Variants in KIF26B observed in about 807,000 individuals in gnomAD.
KIF26B encodes kinesin-like protein KIF26B.
In KIF26B, 63 loss-of-function variants were observed where a neutral mutation model predicts 151.2. The observed-to-expected ratio is 0.42, with a 90% CI of 0.34 to 0.51. The LOEUF (loss-of-function observed/expected upper bound fraction) is 0.51, where lower values mean the gene tolerates loss of function less well. KIF26B is among the 20% of genes least tolerant of loss of function. The pLI is 0.07. For missense variants in KIF26B, 2,813 were observed against 2,913.6 expected (o/e 0.97, Z 0.79); for synonymous variants, 1,357 against 1,262.1 (o/e 1.08, Z -1.59).
chr1:245,680,376 G>A (rs377355444), intron 10 of KIF26B, among the ~76,000 whole-genome samples: 1 of 152,106 alleles, frequency 6.6e-6, no homozygotes, highest in Non-Finnish European at 1.5e-5. Flanking sequence ...CTAAAATGCC[G>A]GTTGCTAAGC....
intron 4 of KIF26B, among the ~76,000 whole-genome samples, chr1:245,514,301 C>T (rs1029110415): frequency 6.6e-6 from 1 of 152,026 alleles, no homozygotes; most frequent in South Asian, 2.1e-4. Flanking sequence ...CCGAGGCGGG[C>T]GGATCACTTG....
At chr1:245,300,426 C>G (rs1372893177) in intron 2 of KIF26B, among the ~76,000 whole-genome samples, 1 of 152,214 alleles carries the variant, frequency 6.6e-6, no homozygotes, top group African/African-American at 2.4e-5. Context: ...TTACTTCTAC[C>G]TCTCCTTTTT....
intron 9 of KIF26B, among the ~76,000 whole-genome samples, chr1:245,625,341 A>G (rs1357749673): frequency 1.3e-5 from 2 of 152,072 alleles, no homozygotes; most frequent in African/African-American, 4.8e-5. Context: ...TCTGATTGGG[A>G]TTGCATTGAA....
chr1:245,388,828 C>T (rs1482669737), intron 3 of KIF26B, among the ~76,000 whole-genome samples: 3 of 152,154 alleles, frequency 2.0e-5, no homozygotes, highest in African/African-American at 7.2e-5. Flanking sequence ...AACACTGGAC[C>T]AGCCCAAGGA....
chr1:245,567,952 G>A (rs1343541526), intron 5 of KIF26B, among the ~76,000 whole-genome samples: 1 of 151,972 alleles, frequency 6.6e-6, no homozygotes, highest in Non-Finnish European at 1.5e-5. Flanking sequence ...GGAAGGTGGA[G>A]GCAGGCAGAT....
chr1:245,263,583 G>A (rs979296980), intron 2 of KIF26B, among the ~76,000 whole-genome samples: 6 of 152,184 alleles, frequency 3.9e-5, no homozygotes, highest in African/African-American at 9.7e-5. Flanking sequence ...GAAAGGCAGC[G>A]CCTGCTGTTG....
chr1:245,423,258 T>A (rs1658537876), intron 4 of KIF26B, among the ~76,000 whole-genome samples: 1 of 152,128 alleles, frequency 6.6e-6, no homozygotes, highest in African/African-American at 2.4e-5. Flanking sequence ...TAACTACCTC[T>A]TCATATGCAA....
chr1:245,646,135 A>G lies in KIF26B; in HGVS notation c.2113A>G (p.Ser705Gly), dbSNP rs2043943170. The G allele has an allele frequency of 6.2e-7, 1 of 1,613,854 alleles. No individual in the cohort carries two copies. Among genetic ancestry groups the G allele is most frequent in the African/African-American group, 1.3e-5 (1 of 74,924 alleles). ...SGKGGMSGGR[S>G]RLHLIDLGSC... ...CCCTGTGGTAGTGTCTGGAGGTCGC[A>G]GCCGCCTGCATCTCATTGATCTCGG... The change falls in exon 10 of 15, where the codon AGC becomes GGC. Residue 705 changes from serine (S) to glycine (G), a missense_variant. Ser to Gly is a moderately conservative substitution (Grantham distance 56). This residue lies in a region of KIF26B where 2,060 missense variants were observed against 2,088.6 expected (regional missense o/e 0.99). Coordinates refer to ENST00000407071, the MANE Select transcript of KIF26B (RefSeq NM_018012.4).
chr1:245,346,906 C>G (rs1230519194), intron 2 of KIF26B, among the ~76,000 whole-genome samples: 1 of 152,210 alleles, frequency 6.6e-6, no homozygotes, highest in African/African-American at 2.4e-5. Context: ...TCATGTCTCT[C>G]ATTGTCTAGT....
intron 4 of KIF26B, among the ~76,000 whole-genome samples, chr1:245,493,957 C>CA (rs896039162): frequency 6.6e-6 from 1 of 151,486 alleles, no homozygotes; most frequent in Non-Finnish European, 1.5e-5. Flanking sequence ...AGAGACTAAG[C>CA]AAAAAAACCA....
intron 2 of KIF26B, among the ~76,000 whole-genome samples, chr1:245,356,608 T>A (rs189579616): frequency 2.0e-4 from 31 of 152,168 alleles, no homozygotes; most frequent in Admixed American, 1.7e-3. Flanking sequence ...CTATTCAATG[T>A]GGGAACCTCT....
chr1:245,207,615 T>G (rs1669433200), intron 2 of KIF26B, among the ~76,000 whole-genome samples: 1 of 152,114 alleles, frequency 6.6e-6, no homozygotes, highest in Admixed American at 6.5e-5. Context: ...GGAGAGTTGT[T>G]TACTGGACCC....
At chr1:245,383,484 A>C (rs1280006775) in intron 3 of KIF26B, among the ~76,000 whole-genome samples, 1 of 152,186 alleles carries the variant, frequency 6.6e-6, no homozygotes, top group Non-Finnish European at 1.5e-5. Flanking sequence ...GTTCAAGACA[A>C]CGGTGTCTTG....
intron 2 of KIF26B, among the ~76,000 whole-genome samples, chr1:245,273,383 A>G (rs1303791743): frequency 3.4e-5 from 5 of 148,498 alleles, no homozygotes; most frequent in Non-Finnish European, 7.4e-5. Flanking sequence ...GTGCCATGGC[A>G]CTCCTGCCTG....
In KIF26B at chr1:245,227,490, G is replaced by A. The variant is rs1669899774; in HGVS notation, c.465+70807G>A. On this transcript the variant is annotated intron_variant, in intron 2 of 14. Transcript: ENST00000407071. The surrounding 1 kb of genome is among the most constrained non-coding windows in gnomAD (Gnocchi z 4.1). The stretch of plus-strand genomic sequence containing the variant: ...TTCCCACCCCTGTCACACCGCCCTT[G>A]ACCATGGTTGTCTGTCATGTGGATT... Among the ~76,000 whole-genome samples the A allele has an allele frequency of 1.3e-5, 2 of 152,162 alleles. No individual in the cohort carries two copies. Among genetic ancestry groups the A allele is most frequent in the Admixed American group, 6.5e-5 (1 of 15,278 alleles).
intron 2 of KIF26B, among the ~76,000 whole-genome samples, chr1:245,335,475 A>C (rs1433019998): frequency 7.1e-6 from 1 of 141,192 alleles, no homozygotes; most frequent in Non-Finnish European, 1.5e-5. Context: ...AATCTGGAGG[A>C]GTCTGGACTG....
intron 4 of KIF26B, among the ~76,000 whole-genome samples, chr1:245,477,327 C>CCGGG (rs34052248): frequency 0.086 from 13,088 of 151,596 alleles, 739 homozygotes; most frequent in South Asian, 0.13. Flanking sequence ...GCACTGTGTG[C>CCGGG]CGGGCACTGT....
chr1:245,343,736 C>A (rs1468641241), intron 2 of KIF26B, among the ~76,000 whole-genome samples: 1 of 152,072 alleles, frequency 6.6e-6, no homozygotes, highest in Non-Finnish European at 1.5e-5. Flanking sequence ...TATATTTGGG[C>A]GTGAGATGTT....
intron 4 of KIF26B, among the ~76,000 whole-genome samples, chr1:245,431,498 C>A (rs1448819390): frequency 6.6e-6 from 1 of 152,198 alleles, no homozygotes. Flanking sequence ...GCATCCGCCA[C>A]CATGCCCAGC....
Sources: allele counts gnomAD v4.1 joint callset (sites outside exome capture counted in the v4.1 genomes callset), GRCh38; gene constraint gnomAD v4.1.1; regional missense constraint gnomAD v4.1.1; non-coding constraint Gnocchi (gnomAD v3.1); transcripts MANE v1.5; gene names NCBI Gene and HGNC (gene_info 2026-07-23, HGNC 2026-07-21).